CRISPLD2: variants seen among roughly 807,000 people sequenced by gnomAD.
CRISPLD2 encodes the protein cysteine rich secretory protein LCCL domain containing 2, also known as cysteine-rich secretory protein LCCL domain-containing 2.
Under a neutral mutation model 71.1 loss-of-function variants are expected in CRISPLD2, and 47 were observed. That is an observed-to-expected ratio of 0.66 (90% CI 0.52 to 0.84). The LOEUF (loss-of-function observed/expected upper bound fraction) is 0.84, where lower values mean the gene tolerates loss of function less well. Ranked by LOEUF, CRISPLD2 falls within the 40% of genes least tolerant of loss-of-function variation. The pLI is 0.00. For missense variants in CRISPLD2, 830 were observed against 651.1 expected (o/e 1.27, Z -2.99); for synonymous variants, 317 against 250.1 (o/e 1.27, Z -2.52).
chr16:84,909,410 A>T lies in CRISPLD2; in HGVS notation c.*2768A>T, dbSNP rs2071832910. On this transcript the variant is annotated 3_prime_UTR_variant, in exon 15 of 15. Coordinates refer to ENST00000262424, the MANE Select transcript of CRISPLD2 (RefSeq NM_031476.4). Reference sequence around the variant, plus strand: ...GCATGAACAGGGGCCACGTTGTTGCAATTGTTTCAGTAGAACTGGTTTGAT... The same window carrying T: ...GCATGAACAGGGGCCACGTTGTTGCTATTGTTTCAGTAGAACTGGTTTGAT... The T allele has an allele frequency of 6.5e-6, 1 of 152,676 alleles. No homozygotes were observed. Among genetic ancestry groups the T allele is most frequent in the Non-Finnish European group, 1.5e-5 (1 of 68,040 alleles). 9.5% of individuals were successfully genotyped at this position (152,676 alleles called of 1,614,324 possible).
chr16:84,821,956 A>G (rs1469600494), intron 1 of CRISPLD2, among the ~76,000 whole-genome samples: 1 of 152,232 alleles, frequency 6.6e-6, no homozygotes, highest in Non-Finnish European at 1.5e-5. Flanking sequence ...GGCGGGGTAG[A>G]GCTGCCGTCC....
intron 8 of CRISPLD2, among the ~76,000 whole-genome samples, chr16:84,869,190 A>G (rs1448481764): frequency 6.6e-6 from 1 of 152,188 alleles, no homozygotes; most frequent in Admixed American, 6.5e-5. Context: ...CCCATGGTAG[A>G]TGAATAAATC....
intron 13 of CRISPLD2, among the ~76,000 whole-genome samples, chr16:84,882,944 C>A (rs953797447): frequency 6.6e-6 from 1 of 152,172 alleles, no homozygotes; most frequent in Non-Finnish European, 1.5e-5. Flanking sequence ...TTCATAGCTA[C>A]ACTGATATGA....
At chr16:84,900,486 C>T (rs927594078) in intron 14 of CRISPLD2, among the ~76,000 whole-genome samples, 1 of 151,900 alleles carries the variant, frequency 6.6e-6, no homozygotes, top group Non-Finnish European at 1.5e-5. Context: ...TATCTGGATG[C>T]CACTCCCTAC....
intron 14 of CRISPLD2, among the ~76,000 whole-genome samples, chr16:84,906,370 T>G (rs544901562): frequency 6.2e-4 from 94 of 152,250 alleles, no homozygotes; most frequent in African/African-American, 2.2e-3. Flanking sequence ...TGACCTAGAA[T>G]CAGATGGATG....
intron 13 of CRISPLD2, among the ~76,000 whole-genome samples, chr16:84,888,642 C>A (rs1192815731): frequency 6.6e-6 from 1 of 152,218 alleles, no homozygotes; most frequent in East Asian, 1.9e-4. Context: ...GCCTGACTCA[C>A]TGTATTCCAG....
intron 5 of CRISPLD2, among the ~76,000 whole-genome samples, chr16:84,853,699 G>A (rs1056626414): frequency 6.6e-5 from 10 of 152,230 alleles, no homozygotes; most frequent in Non-Finnish European, 1.5e-4. Flanking sequence ...GCATCAGAGC[G>A]TTCCCCGCAC....
intron 2 of CRISPLD2, among the ~76,000 whole-genome samples, chr16:84,843,781 C>T (rs561987002): frequency 9.2e-5 from 14 of 152,298 alleles, no homozygotes; most frequent in Admixed American, 1.3e-4. Context: ...GCAGGAAGAG[C>T]CCCCTTAGTA....
chr16:84,838,437 C>G lies in CRISPLD2; in HGVS notation c.-59C>G. 2 of 1,579,966 alleles carry G rather than the reference C, an allele frequency of 1.3e-6. No individual in the cohort carries two copies. The highest frequency in any genetic ancestry group is 1.7e-6 in the Non-Finnish European group (2 of 1,161,964). ...TTCCTTTCAGAGCTCAAGCGCCCAG[C>G]TCTGCCCGAGGAGCCCAGGCTGCCC... On this transcript the variant is annotated 5_prime_UTR_variant, in exon 2 of 15. Transcript: ENST00000262424.
At chr16:84,877,710 C>T (rs2004603) in intron 12 of CRISPLD2, among the ~76,000 whole-genome samples, 200 bp downstream of exon 12, 30,042 of 151,698 alleles carry the variant, frequency 0.2, 3,415 homozygotes, top group South Asian at 0.27. Context: ...ATTAGTCAGC[C>T]ATGGCGGTGG....
chr16:84,825,275 GC>G (rs1282335232), intron 1 of CRISPLD2, among the ~76,000 whole-genome samples: 3 of 149,314 alleles, frequency 2.0e-5, no homozygotes, highest in African/African-American at 7.4e-5. Flanking sequence ...CAGAGTGGGG[GC>G]CAGCAGCCAG....
intron 13 of CRISPLD2, among the ~76,000 whole-genome samples, chr16:84,887,598 C>T (rs534889239): frequency 3.9e-5 from 6 of 152,336 alleles, no homozygotes; most frequent in Admixed American, 6.5e-5. Flanking sequence ...GAAGTCAGGC[C>T]GGGCGCGGCG....
At chr16:84,862,385 A>G (rs1917409193) in intron 6 of CRISPLD2, among the ~76,000 whole-genome samples, 1 of 152,042 alleles carries the variant, frequency 6.6e-6, no homozygotes, top group Non-Finnish European at 1.5e-5. Flanking sequence ...TTTTTTGTAG[A>G]GACGGGATCT....
intron 14 of CRISPLD2, among the ~76,000 whole-genome samples, chr16:84,896,184 C>T (rs183876506): frequency 7.2e-5 from 11 of 151,960 alleles, no homozygotes; most frequent in African/African-American, 1.7e-4. Context: ...ATTACAGGCA[C>T]CCGCCACCAC....
chr16:84,875,413 A>ATTT (rs2071509254), intron 11 of CRISPLD2, among the ~76,000 whole-genome samples: 1 of 108,556 alleles, frequency 9.2e-6, no homozygotes, highest in African/African-American at 4.9e-5. Context: ...TTATGCATGG[A>ATTT]CTTTTTTTTT....
intron 6 of CRISPLD2, among the ~76,000 whole-genome samples, chr16:84,866,547 C>T (rs978513233): frequency 4.6e-5 from 7 of 152,110 alleles, no homozygotes; most frequent in African/African-American, 1.7e-4. Context: ...GAGGCAGCTT[C>T]TTGAAGTTGC....
intron 11 of CRISPLD2, among the ~76,000 whole-genome samples, 154 bp from the exon 12 acceptor site, chr16:84,877,284 G>A (rs2071527464): frequency 6.6e-6 from 1 of 152,136 alleles, no homozygotes; most frequent in Non-Finnish European, 1.5e-5. Context: ...CCCTACGTGG[G>A]GTACGAGGAG....
intron 1 of CRISPLD2, among the ~76,000 whole-genome samples, chr16:84,837,873 C>T (rs1916664173): frequency 6.6e-6 from 1 of 152,194 alleles, no homozygotes; most frequent in Admixed American, 6.5e-5. Flanking sequence ...GGACGTGGTT[C>T]TGGGCAGCTG....
rs545251680 is a variant in CRISPLD2, at chr16:84,887,669, G to C, written c.1306-1561G>C. On this transcript the variant is annotated intron_variant, in intron 13 of 14. Transcript: ENST00000262424. ...AGGCGTGTGGATCACCTGAGGTCAG[G>C]AGTTCGACACCAGCCTGACCAATAT... Among the ~76,000 whole-genome samples the C allele has an allele frequency of 6.6e-5, 10 of 152,308 alleles. No homozygotes were observed. The South Asian group carries it at 1.9e-3, about 28-fold the overall frequency.
Sources: gnomAD v4.1 joint callset for allele counts (sites outside exome capture counted in the v4.1 genomes callset) on GRCh38, gnomAD v4.1.1 for gene constraint, MANE v1.5 for transcripts, NCBI Gene and HGNC (gene_info 2026-07-23, HGNC 2026-07-21) for gene names.